Variants in PIP5K1B observed in about 807,000 individuals in gnomAD.
The protein encoded by PIP5K1B is phosphatidylinositol-4-phosphate 5-kinase type 1 beta.
Under a neutral mutation model 67.0 loss-of-function variants are expected in PIP5K1B, and 42 were observed. The ratio of observed to expected loss-of-function variants is 0.63; its 90% CI spans 0.49 to 0.81. The LOEUF is 0.81. Ranked by LOEUF, PIP5K1B falls within the 30% of genes least tolerant of loss-of-function variation. The pLI, the probability that PIP5K1B is intolerant of heterozygous loss-of-function variation, is 0.00. For synonymous variants in PIP5K1B, 214 were observed against 231.4 expected (o/e 0.92, Z 0.68); for missense variants, 459 against 646.3 (o/e 0.71, Z 3.14).
chr9:68,789,023 C>T (rs1831803290), intron 2 of PIP5K1B: 1 of 401,858 alleles, frequency 2.5e-6, no homozygotes, highest in Non-Finnish European at 4.8e-6. Context: ...TCTGGCATTC[C>T]AATCAGCTTG....
chr9:68,956,303 T>A (rs1276601062), intron 14 of PIP5K1B, among the ~76,000 whole-genome samples: 1 of 152,062 alleles, frequency 6.6e-6, no homozygotes, highest in Non-Finnish European at 1.5e-5. Flanking sequence ...AAACCCCATC[T>A]CTAGAAAAAT....
At chr9:68,840,670 A>G (rs968595174) in intron 4 of PIP5K1B, among the ~76,000 whole-genome samples, 1 of 152,008 alleles carries the variant, frequency 6.6e-6, no homozygotes, top group Non-Finnish European at 1.5e-5. Context: ...TCCCTCTTAC[A>G]TTATGTCTCA....
intron 4 of PIP5K1B, among the ~76,000 whole-genome samples, chr9:68,846,391 C>T (rs1822193983): frequency 6.6e-6 from 1 of 152,172 alleles, no homozygotes; most frequent in South Asian, 2.1e-4. Flanking sequence ...GATGTCTTCA[C>T]CCCCACTCTT....
intron 2 of PIP5K1B, among the ~76,000 whole-genome samples, chr9:68,753,613 C>T (rs1278186196): frequency 6.6e-6 from 1 of 150,442 alleles, no homozygotes. Flanking sequence ...CAAGCTCCAC[C>T]TCCTGGGTTC....
chr9:68,780,433 A>G (rs771357829), intron 2 of PIP5K1B: 5 of 1,614,140 alleles, frequency 3.1e-6, no homozygotes, highest in Non-Finnish European at 4.2e-6. Context: ...CAGATCAAAC[A>G]AGAAGAGGGC....
intron 2 of PIP5K1B, among the ~76,000 whole-genome samples, chr9:68,779,101 G>C (rs1381443326): frequency 6.6e-6 from 1 of 151,374 alleles, no homozygotes; most frequent in Non-Finnish European, 1.5e-5. Context: ...CCATTTCCTA[G>C]CAGTGTTTGG....
intron 4 of PIP5K1B, among the ~76,000 whole-genome samples, chr9:68,836,821 A>T (rs1433992971): frequency 6.6e-6 from 1 of 152,242 alleles, no homozygotes; most frequent in East Asian, 1.9e-4. Flanking sequence ...TGCCGAGCAG[A>T]TGCAGCATGT....
intron 4 of PIP5K1B, among the ~76,000 whole-genome samples, chr9:68,832,813 T>C (rs1201232252): frequency 6.6e-6 from 1 of 152,242 alleles, no homozygotes; most frequent in Admixed American, 6.5e-5. Flanking sequence ...CAGTGTTTTC[T>C]GCTCATCCAA....
chr9:68,894,565 A>G lies in PIP5K1B; in HGVS notation c.698A>G (p.Asp233Gly). The G allele has an allele frequency of 1.2e-6, 2 of 1,614,148 alleles. No individual in the cohort carries two copies. The highest frequency in any genetic ancestry group is 8.5e-7 in the Non-Finnish European group (1 of 1,179,956). Residue 233 changes from aspartate (D) to glycine (G), a missense_variant, in exon 8 of 16, where the codon GAC becomes GGC. Around this residue, in one of 2 missense-constraint regions of PIP5K1B, gnomAD observed 290 missense variants for 474.4 expected, o/e 0.61. Transcript: ENST00000265382. ...PTFKDLDFLQ[D>G]MHEGLYFDTE... ...TTTAAGGACTTAGATTTCCTGCAAG[A>G]CATGCACGAAGGGTTGTATTTTGAT...
intron 15 of PIP5K1B, among the ~76,000 whole-genome samples, chr9:68,993,515 A>T (rs1200238563): frequency 1.3e-5 from 2 of 152,138 alleles, no homozygotes; most frequent in Non-Finnish European, 2.9e-5. Context: ...TGCATAAACA[A>T]ATTTTTTTGC....
chr9:68,922,198 C>T (rs1255786380), intron 11 of PIP5K1B, among the ~76,000 whole-genome samples: 1 of 152,132 alleles, frequency 6.6e-6, no homozygotes, highest in African/African-American at 2.4e-5. Flanking sequence ...GGTGCAGTGG[C>T]TCATGCCTAT....
At position 68,813,735 on chromosome 9, in the gene PIP5K1B, C is replaced by T. The variant is rs555687754; in HGVS notation, c.-85-4726C>T. Among the ~76,000 whole-genome samples the T allele has an allele frequency of 3.9e-5, 6 of 152,130 alleles. No individual in the cohort carries two copies. In the South Asian group the frequency reaches 6.2e-4, roughly 16 times the overall value. ...GAAGAGGGAGACACATGGAGAGAAG[C>T]GCTAAATGGTGACAGAGGCCAGGGC... is the stretch of plus-strand genomic sequence containing the variant. On this transcript the variant is annotated intron_variant, in intron 2 of 15. Coordinates refer to ENST00000265382, the MANE Select transcript of PIP5K1B (RefSeq NM_003558.4).
chr9:68,725,310 T>C (rs1335217324), intron 1 of PIP5K1B, among the ~76,000 whole-genome samples: 4 of 152,188 alleles, frequency 2.6e-5, no homozygotes, highest in African/African-American at 9.7e-5. Flanking sequence ...TGCGCCCTGG[T>C]CAAGTGACTT....
intron 2 of PIP5K1B, among the ~76,000 whole-genome samples, chr9:68,759,324 A>T (rs1298409656): frequency 6.6e-6 from 1 of 152,050 alleles, no homozygotes; most frequent in Non-Finnish European, 1.5e-5. Flanking sequence ...GAGTAAGGGG[A>T]CTCATGGCGT....
intron 14 of PIP5K1B, among the ~76,000 whole-genome samples, chr9:68,947,973 C>T (rs1827882271): frequency 6.6e-6 from 1 of 152,172 alleles, no homozygotes; most frequent in Admixed American, 6.5e-5. Context: ...GAGCAGATAG[C>T]CATCACCCAT....
chr9:68,939,556 T>C (rs577497207), intron 13 of PIP5K1B, among the ~76,000 whole-genome samples: 1 of 152,382 alleles, frequency 6.6e-6, no homozygotes, highest in South Asian at 2.1e-4. Flanking sequence ...TTGAGCACTT[T>C]GGTTATTCAT....
At position 69,009,081 on chromosome 9, in the gene PIP5K1B, A is replaced by G. The variant is rs1831211715; in HGVS notation, c.*632A>G. 1.3e-5 allele frequency: 2 copies of G among 152,638 alleles called. No homozygotes were observed. Among genetic ancestry groups the G allele is most frequent in the Admixed American group, 1.3e-4 (2 of 15,274 alleles). The allele number at this position is 152,638 out of a possible 1,614,324, so 9.5% of individuals were successfully genotyped here. On this transcript the variant is annotated 3_prime_UTR_variant, in exon 16 of 16. Coordinates refer to ENST00000265382, the MANE Select transcript of PIP5K1B (RefSeq NM_003558.4). ...ATTGTCTTTGAAATATTTGTGATCT[A>G]GTTTATTGCTTGTAAAAGAGAAATT...
intron 14 of PIP5K1B, among the ~76,000 whole-genome samples, chr9:68,990,695 C>CA (rs1830323135): frequency 6.6e-6 from 1 of 150,990 alleles, no homozygotes; most frequent in Non-Finnish European, 1.5e-5. Flanking sequence ...GACAGAGTCT[C>CA]ACTTTGTTGC....
intron 2 of PIP5K1B, among the ~76,000 whole-genome samples, chr9:68,775,256 G>A (rs569225201): frequency 6.6e-6 from 1 of 152,154 alleles, no homozygotes; most frequent in African/African-American, 2.4e-5. Flanking sequence ...AGCAAAACTA[G>A]CACATATTTC....
Sources: allele counts gnomAD v4.1 joint callset (sites outside exome capture counted in the v4.1 genomes callset), GRCh38; gene constraint gnomAD v4.1.1; regional missense constraint gnomAD v4.1.1; transcripts MANE v1.5; gene names NCBI Gene and HGNC (gene_info 2026-07-23, HGNC 2026-07-21).